The following PRUNE1 variants were observed in gnomAD, a reference collection of about 807,000 sequenced individuals.
PRUNE1 encodes exopolyphosphatase PRUNE1.
A neutral mutation model predicts 42.5 loss-of-function variants in PRUNE1; 25 were observed. That is an observed-to-expected ratio of 0.59 (90% CI 0.43 to 0.82). The LOEUF is 0.82. Ranked by LOEUF, PRUNE1 falls within the 40% of genes least tolerant of loss-of-function variation. The probability of loss-of-function intolerance (pLI) is 0.00; values close to 1 mark genes in which losing one functional copy is unlikely to be tolerated. For missense variants in PRUNE1, 443 were observed against 539.3 expected (o/e 0.82, Z 1.77); for synonymous variants, 203 against 217.1 (o/e 0.93, Z 0.57).
Position 151,033,873 on chromosome 1 carries a change from C to T in PRUNE1, c.1001C>T (p.Pro334Leu), listed in dbSNP as rs1571825006. 2 of 1,613,974 alleles carry T rather than the reference C, an allele frequency of 1.2e-6. No individual in the cohort carries two copies. Among genetic ancestry groups the T allele is most frequent in the East Asian group, 2.2e-5 (1 of 44,872 alleles). The stretch of plus-strand genomic sequence containing the variant: ...CTGACCCCTGCCTCAAGTACCCACC[C>T]TAACCTCCATGCCTATCTTCAAGGC... The part of the protein sequence containing the change: ...LKLTPASSTH[P>L]NLHAYLQGNT... Residue 334 changes from proline (P) to leucine (L), a missense_variant, in exon 8 of 8, where the codon CCT (proline) becomes CTT (leucine). Coordinates refer to ENST00000271620, the MANE Select transcript of PRUNE1 (RefSeq NM_021222.3).
rs1028705642 is a variant in PRUNE1 at position 151,035,488 on chromosome 1, C to G, written c.*1254C>G. The G allele has an allele frequency of 1.3e-5, 2 of 152,536 alleles. No individual in the cohort carries two copies. Among genetic ancestry groups the G allele is most frequent in the Non-Finnish European group, 2.9e-5 (2 of 68,042 alleles). The allele number at this position is 152,536 out of a possible 1,614,324, so 9.4% of individuals were successfully genotyped here. A position where few individuals can be genotyped will look rare whatever the true frequency, so the allele number is the denominator to read the frequency against. On this transcript the variant is annotated 3_prime_UTR_variant, in exon 8 of 8. Coordinates refer to ENST00000271620, the MANE Select transcript of PRUNE1 (RefSeq NM_021222.3). ...CTTTTTCCTACCCCACAGCTCTGTT[C>G]CATGTAAGTTGCCAACAGTTTCACT...
At chr1:151,026,446 G>A (rs1425698423) in intron 5 of PRUNE1, among the ~76,000 whole-genome samples, 3 of 151,464 alleles carry the variant, frequency 2.0e-5, no homozygotes, top group East Asian at 1.9e-4. Context: ...CAACGACAGC[G>A]AAACTCCGTC....
chr1:151,028,964 C>A lies in PRUNE1; in HGVS notation c.933+20C>A. The stretch of plus-strand genomic sequence containing the variant: ...ACAACGGTGAGTCTGTGTCCCTTCT[C>A]CAACCTAAGAGCCTTACAGAGTCTG... On this transcript the variant is annotated intron_variant, in intron 7 of 7. Coordinates refer to ENST00000271620, the MANE Select transcript of PRUNE1 (RefSeq NM_021222.3). The A allele has an allele frequency of 6.2e-7, 1 of 1,601,178 alleles. No homozygotes were observed. The highest frequency in any genetic ancestry group is 1.1e-5 in the South Asian group (1 of 90,644).
At chr1:151,016,532 G>A (rs915843679) in intron 1 of PRUNE1, among the ~76,000 whole-genome samples, 2 of 151,758 alleles carry the variant, frequency 1.3e-5, no homozygotes, top group African/African-American at 4.8e-5. Flanking sequence ...ATGGAGTTTC[G>A]CTCTTGTTGC....
chr1:151,020,890 G>A (rs937404392), intron 3 of PRUNE1, among the ~76,000 whole-genome samples: 2 of 151,966 alleles, frequency 1.3e-5, no homozygotes, highest in African/African-American at 2.4e-5. Context: ...TCTGAGGTAG[G>A]AGAATGGCAT....
intron 1 of PRUNE1, 106 bp downstream of exon 1, chr1:151,008,777 G>T: frequency 7.3e-7 from 1 of 1,373,180 alleles, no homozygotes; most frequent in Non-Finnish European, 1.0e-6. Context: ...AGGGAACACT[G>T]AGTTGTGGGG....
At chr1:151,021,754 G>C (rs1232654710) in intron 3 of PRUNE1, among the ~76,000 whole-genome samples, 1 of 136,900 alleles carries the variant, frequency 7.3e-6, no homozygotes, top group African/African-American at 2.7e-5. Flanking sequence ...GTTTTCTCTT[G>C]TTGCCTAGGT....
chr1:151,011,870 C>T (rs2102896132), intron 1 of PRUNE1, among the ~76,000 whole-genome samples: 1 of 152,026 alleles, frequency 6.6e-6, no homozygotes. Context: ...CCTCCGCCTG[C>T]CAGGTTCAAG....
At chr1:151,033,140 C>A (rs1378625319) in intron 7 of PRUNE1, among the ~76,000 whole-genome samples, 1 of 149,656 alleles carries the variant, frequency 6.7e-6, no homozygotes, top group Non-Finnish European at 1.5e-5. Flanking sequence ...GGCTGGAGTG[C>A]AGTGGCACCA....
rs3034003 is a variant in PRUNE1 at position 151,027,747 on chromosome 1, A to AGTGTGTGT, written c.774+448_774+455dup. ...CAGGTGCACACCACCACACCTAACT[A>AGTGTGTGT]GTGTGTGTGTGTGTGTGTGTGTGTG... On this transcript the variant is annotated intron_variant, in intron 6 of 7. Coordinates refer to ENST00000271620, the MANE Select transcript of PRUNE1 (RefSeq NM_021222.3). Among the ~76,000 whole-genome samples, 386 of 130,920 alleles carry AGTGTGTGT rather than the reference A, an allele frequency of 2.9e-3. 3 individuals carry two copies. The South Asian group carries it at 0.045, about 15-fold the overall frequency. 85.9% of individuals were successfully genotyped at this position (130,920 alleles called of 152,430 possible).
intron 6 of PRUNE1, among the ~76,000 whole-genome samples, chr1:151,027,662 G>A (rs1674941478): frequency 1.4e-5 from 2 of 147,862 alleles, no homozygotes; most frequent in South Asian, 2.1e-4. Flanking sequence ...GCTCACTGCA[G>A]CCTCAACCTT....
At position 151,023,754 on chromosome 1, in the gene PRUNE1, G is replaced by A. The variant is rs117967696; in HGVS notation, c.336-857G>A. Reference sequence around the variant, plus strand: ...AAAAAAGGAGAAATTTAGATGTTGGGTATCAAGGGTGTCAAGGGTATAGGG... The same window carrying A: ...AAAAAAGGAGAAATTTAGATGTTGGATATCAAGGGTGTCAAGGGTATAGGG... On this transcript the variant is annotated intron_variant, in intron 3 of 7. Coordinates refer to ENST00000271620, the MANE Select transcript of PRUNE1 (RefSeq NM_021222.3). Among the ~76,000 whole-genome samples, 1,353 of 151,906 alleles carry A rather than the reference G, an allele frequency of 8.9e-3. 80 individuals are homozygous for A. Among genetic ancestry groups the A allele is most frequent in the Admixed American group, 0.075 (1,149 of 15,224 alleles).
rs746672870 is a variant in PRUNE1 at position 151,024,607 on chromosome 1, A to C, written c.336-4A>C. On this transcript the variant is annotated splice_polypyrimidine_tract_variant and splice_region_variant and intron_variant, in intron 3 of 7. Transcript: ENST00000271620. ...CCTCTTTTCCCATACCCTCCCCTCCACAGAAGTGACACAGCCCTAGAGGAG... is the reference window on the plus strand; with the variant it reads ...CCTCTTTTCCCATACCCTCCCCTCCCCAGAAGTGACACAGCCCTAGAGGAG... 3.7e-6 allele frequency: 6 copies of C among 1,602,430 alleles called. No individual in the cohort carries two copies. Among genetic ancestry groups the C allele is most frequent in the South Asian group, 3.3e-5 (3 of 90,828 alleles).
chr1:151,032,426 T>G (rs909315839), intron 7 of PRUNE1, among the ~76,000 whole-genome samples: 4 of 151,730 alleles, frequency 2.6e-5, no homozygotes, highest in Non-Finnish European at 5.9e-5. Flanking sequence ...AATAAAATAC[T>G]GTGGGCCAGG....
intron 3 of PRUNE1, among the ~76,000 whole-genome samples, chr1:151,021,436 C>G (rs1178643553): frequency 6.6e-6 from 1 of 152,150 alleles, no homozygotes; most frequent in Non-Finnish European, 1.5e-5. Flanking sequence ...GCCTGTGCAA[C>G]AAGAGCGAAA....
At chr1:151,013,685 G>A (rs1212940118) in intron 1 of PRUNE1, among the ~76,000 whole-genome samples, 2 of 152,082 alleles carry the variant, frequency 1.3e-5, no homozygotes, top group African/African-American at 4.8e-5. Context: ...AGGGCCATAT[G>A]CCTCATGTTT....
At chr1:151,027,020 A>G (rs1432640085) in intron 5 of PRUNE1, among the ~76,000 whole-genome samples, 1 of 151,974 alleles carries the variant, frequency 6.6e-6, no homozygotes, top group Non-Finnish European at 1.5e-5. Context: ...TCCTGACCTC[A>G]GGTGATCCGC....
At position 151,035,652 on chromosome 1, in the gene PRUNE1, GT is replaced by G. The variant is rs1256910528; in HGVS notation, c.*1422del. On this transcript the variant is annotated 3_prime_UTR_variant, in exon 8 of 8. Transcript: ENST00000271620. Reference sequence around the variant, plus strand: ...GTGATCATGAACCAAAGGAATTTATGTTTTGTAACTTGGGTACTTTATTTTG... The same window carrying G: ...GTGATCATGAACCAAAGGAATTTATGTTTGTAACTTGGGTACTTTATTTTG... 1.3e-5 allele frequency: 2 copies of G among 152,680 alleles called. No homozygotes were observed. The highest frequency in any genetic ancestry group is 4.8e-5 in the African/African-American group (2 of 41,554). 9.5% of individuals were successfully genotyped at this position (152,680 alleles called of 1,614,324 possible). A position where few individuals can be genotyped will look rare whatever the true frequency, so the allele number is the denominator to read the frequency against.
At position 151,034,369 on chromosome 1, in the gene PRUNE1, G is replaced by C; in HGVS notation, c.*135G>C. 2.1e-6 allele frequency: 2 copies of C among 949,640 alleles called. No individual in the cohort carries two copies. Among genetic ancestry groups the C allele is most frequent in the Non-Finnish European group, 3.1e-6 (2 of 653,340 alleles). The allele number at this position is 949,640 out of a possible 1,614,324, so 58.8% of individuals were successfully genotyped here. ...TATACTGTTCTCATAAAACTGAGAG[G>C]AGAAAAAAAGTGAAAGAAAGCAGCT... On this transcript the variant is annotated 3_prime_UTR_variant, in exon 8 of 8. Coordinates refer to ENST00000271620, the MANE Select transcript of PRUNE1 (RefSeq NM_021222.3).
Sources: allele counts gnomAD v4.1 joint callset (sites outside exome capture counted in the v4.1 genomes callset), GRCh38; gene constraint gnomAD v4.1.1; transcripts MANE v1.5; gene names NCBI Gene and HGNC (gene_info 2026-07-23, HGNC 2026-07-21).